The following FAM174A variants were observed in gnomAD, a reference collection of about 807,000 sequenced individuals.
The protein encoded by FAM174A is family with sequence similarity 174 member A.
Under a neutral mutation model 14.3 loss-of-function variants are expected in FAM174A, and 14 were observed. The ratio of observed to expected loss-of-function variants is 0.98; its 90% CI spans 0.65 to 1.53. The LOEUF is 1.53. Among genes scored for constraint, FAM174A ranks in the 40% most tolerant of loss-of-function variants. The pLI is 0.00. For missense variants in FAM174A, 241 were observed against 249.6 expected (o/e 0.97, Z 0.23); for synonymous variants, 108 against 111.4 (o/e 0.97, Z 0.19).
intron 2 of FAM174A, chr5:100,581,436 T>A: frequency 3.1e-6 from 3 of 959,152 alleles, no homozygotes; most frequent in Non-Finnish European, 3.7e-6. Context: ...GTTATTTTTT[T>A]AAAGATATAA....
At chr5:100,559,642 C>A (rs937805694) in intron 1 of FAM174A, among the ~76,000 whole-genome samples, 1 of 152,018 alleles carries the variant, frequency 6.6e-6, no homozygotes, top group Non-Finnish European at 1.5e-5. Context: ...AGGCTTTGTT[C>A]GTTTCTTTTT....
In FAM174A at chr5:100,535,938, GGT is replaced by G; in HGVS notation, c.411_412del (p.Tyr138LeufsTer16). 6.3e-7 allele frequency: 1 copy of G among 1,598,942 alleles called. No individual in the cohort carries two copies. Among genetic ancestry groups the G allele is most frequent in the Non-Finnish European group, 8.5e-7 (1 of 1,169,718 alleles). ...TGATGGTGGTGAGCGGCGCGGTGCT[GGT>G]GTACTTCGTGGTCAGGACGGTCAGG... The part of the protein sequence containing the change: ...VLMVVSGAVL[V>X]YFVVRTVRMR... On this transcript the variant is annotated frameshift_variant, in exon 1 of 3. Coordinates refer to ENST00000312637, the MANE Select transcript of FAM174A (RefSeq NM_198507.3). LOFTEE classifies it high-confidence loss of function.
rs528348630 is a variant in FAM174A at position 100,570,744 on chromosome 5, C to T, written c.569+8556C>T. The stretch of plus-strand genomic sequence containing the variant: ...CCCGGATTATATGCATATAATATAT[C>T]AAATTATTTTTATTGCTGTAGCATT... On this transcript the variant is annotated intron_variant, in intron 2 of 2. Coordinates refer to ENST00000312637, the MANE Select transcript of FAM174A (RefSeq NM_198507.3). Among the ~76,000 whole-genome samples the T allele has an allele frequency of 4.6e-4, 70 of 151,966 alleles. 1 individual carries two copies. The highest frequency in any genetic ancestry group is 8.8e-5 in the Non-Finnish European group (6 of 67,878).
intron 1 of FAM174A, among the ~76,000 whole-genome samples, chr5:100,557,005 A>G (rs1205521799): frequency 6.6e-6 from 1 of 152,174 alleles, no homozygotes; most frequent in Non-Finnish European, 1.5e-5. Context: ...GAGAGAGGGC[A>G]TCCCTGTCTT....
At chr5:100,536,055 C>G (rs2112359299) in intron 1 of FAM174A, 91 bp downstream of exon 1, 4 of 1,180,452 alleles carry the variant, frequency 3.4e-6, no homozygotes, top group Admixed American at 5.7e-5. Context: ...ACCCTTTCCC[C>G]CTTCCCCAGC....
At chr5:100,563,913 T>C (rs1445807050) in intron 2 of FAM174A, among the ~76,000 whole-genome samples, 2 of 151,882 alleles carry the variant, frequency 1.3e-5, no homozygotes, top group Non-Finnish European at 2.9e-5. Context: ...CTCATGTCAA[T>C]TGTAACCCTC....
At chr5:100,573,072 G>A (rs1483937902) in intron 2 of FAM174A, among the ~76,000 whole-genome samples, 11 of 152,128 alleles carry the variant, frequency 7.2e-5, no homozygotes, top group African/African-American at 2.2e-4. Flanking sequence ...GTCTGTTCAT[G>A]TCCTTTGCCC....
chr5:100,570,164 G>A (rs1391602461), intron 2 of FAM174A, among the ~76,000 whole-genome samples: 1 of 151,718 alleles, frequency 6.6e-6, no homozygotes, highest in Non-Finnish European at 1.5e-5. Flanking sequence ...ATTTGGGGAA[G>A]GTGGCCACAT....
At chr5:100,557,824 C>G (rs1039854770) in intron 1 of FAM174A, among the ~76,000 whole-genome samples, 1 of 151,972 alleles carries the variant, frequency 6.6e-6, no homozygotes, top group Non-Finnish European at 1.5e-5. Context: ...TGATTCTTCT[C>G]TCTTTTTTTC....
At chr5:100,557,289 C>G (rs868835060) in intron 1 of FAM174A, among the ~76,000 whole-genome samples, 4 of 152,090 alleles carry the variant, frequency 2.6e-5, no homozygotes, top group African/African-American at 9.7e-5. Context: ...ATGAAGCCCA[C>G]TTGATCTTGG....
intron 1 of FAM174A, among the ~76,000 whole-genome samples, chr5:100,561,746 T>C (rs912765239): frequency 1.3e-5 from 2 of 151,764 alleles, no homozygotes; most frequent in Non-Finnish European, 2.9e-5. Flanking sequence ...ACCTAAGCCT[T>C]TAAAAATTAA....
chr5:100,577,936 A>G (rs1346330951), intron 2 of FAM174A, among the ~76,000 whole-genome samples: 1 of 152,120 alleles, frequency 6.6e-6, no homozygotes, highest in Non-Finnish European at 1.5e-5. Context: ...ATGGATTCTA[A>G]GGCATTATTA....
chr5:100,554,015 G>A (rs1332685684), intron 1 of FAM174A, among the ~76,000 whole-genome samples: 1 of 152,060 alleles, frequency 6.6e-6, no homozygotes, highest in East Asian at 1.9e-4. Flanking sequence ...TTGACTATTT[G>A]ATATATATGA....
At chr5:100,561,540 G>C (rs1415813212) in intron 1 of FAM174A, among the ~76,000 whole-genome samples, 1 of 151,914 alleles carries the variant, frequency 6.6e-6, no homozygotes, top group East Asian at 1.9e-4. Context: ...TTTTGATTCA[G>C]TTATGTCCTA....
At chr5:100,556,864 G>A (rs1746397189) in intron 1 of FAM174A, among the ~76,000 whole-genome samples, 1 of 152,092 alleles carries the variant, frequency 6.6e-6, no homozygotes, top group Non-Finnish European at 1.5e-5. Flanking sequence ...GGGTTTTCTA[G>A]ATATACAATC....
intron 2 of FAM174A, among the ~76,000 whole-genome samples, chr5:100,582,746 T>A (rs905181000): frequency 2.0e-5 from 3 of 152,196 alleles, no homozygotes; most frequent in African/African-American, 7.2e-5. Context: ...TATTATAAAT[T>A]TCCAAAGCAT....
intron 1 of FAM174A, among the ~76,000 whole-genome samples, chr5:100,556,498 T>C (rs1406285952): frequency 2.6e-5 from 4 of 152,198 alleles, no homozygotes; most frequent in African/African-American, 9.6e-5. Context: ...GGTAGCTTGA[T>C]GGGGATGGCA....
intron 1 of FAM174A, among the ~76,000 whole-genome samples, chr5:100,539,830 G>T (rs1746014840): frequency 6.6e-6 from 1 of 152,178 alleles, no homozygotes; most frequent in Non-Finnish European, 1.5e-5. Flanking sequence ...AAAGTGGATA[G>T]TATATGCCCA....
chr5:100,580,490 C>A (rs1051129142), intron 2 of FAM174A, among the ~76,000 whole-genome samples: 2 of 152,150 alleles, frequency 1.3e-5, no homozygotes, highest in Non-Finnish European at 2.9e-5. Flanking sequence ...GTCCGATATT[C>A]GACGACAGGA....
Sources: gnomAD v4.1 joint callset for allele counts (sites outside exome capture counted in the v4.1 genomes callset) on GRCh38, gnomAD v4.1.1 for gene constraint, MANE v1.5 for transcripts, NCBI Gene and HGNC (gene_info 2026-07-23, HGNC 2026-07-21) for gene names.